HDAC4: variants seen among roughly 807,000 people sequenced by gnomAD.
The protein encoded by HDAC4 is histone deacetylase 4.
HDAC4 carries 16 observed loss-of-function variants against 135.1 expected under a neutral mutation model. The observed-to-expected ratio is 0.12, with a 90% confidence interval of 0.08 to 0.18. The LOEUF is 0.18. Ranked by LOEUF, HDAC4 falls within the 10% of genes least tolerant of loss-of-function variation. The probability of loss-of-function intolerance (pLI) is 1.00; values close to 1 mark genes in which losing one functional copy is unlikely to be tolerated. For missense variants in HDAC4, 1,143 were observed against 1,511.8 expected (o/e 0.76, Z 4.05); for synonymous variants, 685 against 653.4 (o/e 1.05, Z -0.74).
chr2:239,064,530 G>A (rs1279869869), intron 24 of HDAC4, among the ~76,000 whole-genome samples: 1 of 152,206 alleles, frequency 6.6e-6, no homozygotes, highest in Non-Finnish European at 1.5e-5. Context: ...TGCTGTGGCG[G>A]CCTGGGGCCC....
intron 9 of HDAC4, among the ~76,000 whole-genome samples, chr2:239,135,142 C>T (rs144209751): frequency 6.6e-6 from 1 of 152,224 alleles, no homozygotes; most frequent in Non-Finnish European, 1.5e-5. Context: ...GGATAAGCAC[C>T]GGAGAGGATG....
intron 19 of HDAC4, among the ~76,000 whole-genome samples, chr2:239,084,892 C>G (rs188945577): frequency 1.3e-5 from 2 of 149,026 alleles, no homozygotes; most frequent in Admixed American, 6.7e-5. Flanking sequence ...ACCCCCCCCA[C>G]GTAGACACAC....
Position 239,352,852 on chromosome 2 carries a change from G to T in HDAC4, c.-153C>A. Reference sequence around the variant, plus strand: ...GACGTTCAAGCGCCGAGCCTCGCCGGCAAGGTCTCATGAGCCAGGTAACCC... The same window carrying T: ...GACGTTCAAGCGCCGAGCCTCGCCGTCAAGGTCTCATGAGCCAGGTAACCC... On this transcript the variant is annotated 5_prime_UTR_variant, in exon 2 of 27. The change creates a premature stop within an existing upstream ORF in the 5' untranslated region. Transcript: ENST00000543185. The surrounding 1 kb of genome is among the most constrained non-coding windows in gnomAD (Gnocchi z 4.4). 1.3e-6 allele frequency: 1 copy of T among 787,710 alleles called. No individual in the cohort carries two copies. The highest frequency in any genetic ancestry group is 2.2e-6 in the Non-Finnish European group (1 of 464,506). 48.8% of individuals were successfully genotyped at this position (787,710 alleles called of 1,614,324 possible). A position where few individuals can be genotyped will look rare whatever the true frequency, so the allele number is the denominator to read the frequency against.
intron 9 of HDAC4, among the ~76,000 whole-genome samples, chr2:239,135,538 A>G (rs1008994596): frequency 6.6e-6 from 1 of 152,264 alleles, no homozygotes; most frequent in African/African-American, 2.4e-5. Context: ...AGGAACGGCG[A>G]ACACTGTTGG....
chr2:239,234,684 C>T (rs1201468418), intron 3 of HDAC4, among the ~76,000 whole-genome samples: 11 of 152,174 alleles, frequency 7.2e-5, no homozygotes, highest in African/African-American at 2.2e-4. Flanking sequence ...TAAGCTCCCA[C>T]GCAAACAGGC....
intron 22 of HDAC4, among the ~76,000 whole-genome samples, chr2:239,074,356 T>C (rs1053858733): frequency 6.6e-6 from 1 of 152,262 alleles, no homozygotes; most frequent in African/African-American, 2.4e-5. Context: ...GAGGCTTTAC[T>C]TCCCCACTTT....
intron 2 of HDAC4, among the ~76,000 whole-genome samples, chr2:239,255,295 CTGTGTG>C (rs60768204): frequency 5.2e-4 from 78 of 149,686 alleles, no homozygotes; most frequent in South Asian, 6.4e-4. Flanking sequence ...TGTTTTCTCA[CTGTGTG>C]TGTGTGTGTG....
At chr2:239,190,223 T>TC (rs1367148649) in intron 3 of HDAC4, 146 bp from the exon 4 acceptor site, 2 of 1,141,800 alleles carry the variant, frequency 1.8e-6, no homozygotes, top group Admixed American at 2.7e-5. Context: ...TCTCCCCCTG[T>TC]CCCCCTCTTG....
At chr2:239,104,771 G>A (rs576399920) in intron 15 of HDAC4, among the ~76,000 whole-genome samples, 34 of 152,366 alleles carry the variant, frequency 2.2e-4, no homozygotes, top group African/African-American at 4.8e-5. Flanking sequence ...GCGACCCACT[G>A]GATAAGAGAC....
rs1167936833 is a variant in HDAC4, at chr2:239,303,702, G to A, written c.22+48976C>T. ...GCTGTCCATGTTTTTTGTAAAACTT[G>A]CTCACTTGTAAACAACGTCGGGCAG... On this transcript the variant is annotated intron_variant, in intron 2 of 26. Transcript: ENST00000543185. The surrounding 1 kb of genome is among the most constrained non-coding windows in gnomAD (Gnocchi z 5.1). Among the ~76,000 whole-genome samples, 1 of 151,784 alleles carries A rather than the reference G, an allele frequency of 6.6e-6. No homozygotes were observed.
chr2:239,371,462 C>T (rs1229980264), intron 1 of HDAC4, among the ~76,000 whole-genome samples: 1 of 152,276 alleles, frequency 6.6e-6, no homozygotes, highest in East Asian at 1.9e-4. Context: ...CACACTCACA[C>T]CCAGGCACTC....
rs919413340 is a variant in HDAC4, at chr2:239,115,633, G to GTCTGC, written c.1534-324_1534-323insGCAGA. ...GAGAAACAGAAAAGAAGCTGCAGGT[G>GTCTGC]TCAACAGAGTCTGCAGAGGAGAGCT... is the stretch of plus-strand genomic sequence containing the variant. On this transcript the variant is annotated intron_variant, in intron 12 of 26. Coordinates refer to ENST00000543185, the MANE Select transcript of HDAC4 (RefSeq NM_001378414.1). This position sits in a 1 kb window ranked among gnomAD's most constrained non-coding sequence, Gnocchi z 6.3. Among the ~76,000 whole-genome samples, 4 of 152,078 alleles carry GTCTGC rather than the reference G, an allele frequency of 2.6e-5. No individual in the cohort carries two copies. The highest frequency in any genetic ancestry group is 5.9e-5 in the Non-Finnish European group (4 of 68,000).
At chr2:239,181,703 C>CCACCCACCTGCTT (rs2044164067) in intron 4 of HDAC4, among the ~76,000 whole-genome samples, 1 of 152,174 alleles carries the variant, frequency 6.6e-6, no homozygotes, top group Admixed American at 6.5e-5. Context: ...AAAACCTGCT[C>CCACCCACCTGCTT]CACCCACCTG....
intron 3 of HDAC4, among the ~76,000 whole-genome samples, chr2:239,201,946 T>C (rs1011745235): frequency 6.6e-6 from 1 of 152,148 alleles, no homozygotes; most frequent in Non-Finnish European, 1.5e-5. Flanking sequence ...GATGCATGCA[T>C]AATAAGGTAT....
intron 24 of HDAC4, among the ~76,000 whole-genome samples, chr2:239,062,630 G>A (rs1055035997): frequency 2.6e-5 from 4 of 152,238 alleles, no homozygotes; most frequent in African/African-American, 9.6e-5. Flanking sequence ...ATAAGGCTTC[G>A]GGATGGTAGA....
intron 1 of HDAC4, among the ~76,000 whole-genome samples, chr2:239,390,659 C>T (rs912416730): frequency 6.6e-6 from 1 of 152,166 alleles, no homozygotes; most frequent in Admixed American, 6.5e-5. Context: ...ACCATGCGGC[C>T]GCAGCCCCAG....
chr2:239,277,379 G>C (rs1001179160), intron 2 of HDAC4, among the ~76,000 whole-genome samples: 1 of 152,206 alleles, frequency 6.6e-6, no homozygotes. Flanking sequence ...GGAAGCTGGG[G>C]AAACGACAGG....
chr2:239,119,612 A>AT (rs1329810168), intron 12 of HDAC4, among the ~76,000 whole-genome samples: 1 of 150,206 alleles, frequency 6.7e-6, no homozygotes, highest in Non-Finnish European at 1.5e-5. Context: ...GAACGCAGAG[A>AT]TGGGAGCTCA....
chr2:239,342,754 T>G (rs1333318444), intron 2 of HDAC4, among the ~76,000 whole-genome samples: 1 of 152,036 alleles, frequency 6.6e-6, no homozygotes, highest in Non-Finnish European at 1.5e-5. Flanking sequence ...CTGAGGGAGA[T>G]GAGGGAGCCT....
Sources: allele counts gnomAD v4.1 joint callset (sites outside exome capture counted in the v4.1 genomes callset), GRCh38; gene constraint gnomAD v4.1.1; non-coding constraint Gnocchi (gnomAD v3.1); transcripts MANE v1.5; gene names NCBI Gene and HGNC (gene_info 2026-07-23, HGNC 2026-07-21).